Variants in ZC3H12B observed in about 807,000 individuals in gnomAD.
ZC3H12B encodes the protein probable ribonuclease ZC3H12B.
In ZC3H12B, 7 loss-of-function variants were observed where a neutral mutation model predicts 43.9. That is an observed-to-expected ratio of 0.16 (90% CI 0.09 to 0.30). ZC3H12B has a LOEUF of 0.30. ZC3H12B is among the 10% of genes least tolerant of loss of function. The probability of loss-of-function intolerance (pLI) is 1.00; values close to 1 mark genes in which losing one functional copy is unlikely to be tolerated. For synonymous variants in ZC3H12B, 222 were observed against 241.7 expected (o/e 0.92, Z 0.76); for missense variants, 475 against 670.2 (o/e 0.71, Z 3.22).
the ZC3H12B span, among the ~76,000 whole-genome samples, chrX:65,360,653 A>G: frequency 8.9e-6 from 1 of 112,657 alleles, no homozygotes; most frequent in Non-Finnish European, 1.9e-5. Flanking sequence ...TCTTAAGTTA[A>G]TCATACAACT....
the ZC3H12B span, among the ~76,000 whole-genome samples, chrX:65,360,844 G>A: frequency 4.5e-3 from 509 of 112,300 alleles, 2 homozygotes; most frequent in Middle Eastern, 9.2e-3. Flanking sequence ...CTATCAGGCA[G>A]AAGAAAAATT....
chrX:65,173,993 G>A, the ZC3H12B span, among the ~76,000 whole-genome samples: 1 of 111,513 alleles, frequency 9.0e-6, no homozygotes, highest in Non-Finnish European at 1.9e-5. Context: ...CTAGCTGTCA[G>A]GCCTCTCTTC....
chrX:65,375,187 G>T (rs1326844363), intron 2 of ZC3H12B, among the ~76,000 whole-genome samples: 1 of 111,762 alleles, frequency 8.9e-6, no homozygotes, highest in African/African-American at 3.3e-5. Context: ...TTTGAGTTTT[G>T]CTGCCCTGTC....
the ZC3H12B span, among the ~76,000 whole-genome samples, chrX:65,309,892 C>A: frequency 8.9e-6 from 1 of 112,019 alleles, no homozygotes; most frequent in Non-Finnish European, 1.9e-5. Flanking sequence ...GAACCAAAGA[C>A]AAAAACCACA....
chrX:65,171,378 G>A, the ZC3H12B span, among the ~76,000 whole-genome samples: 2 of 110,844 alleles, frequency 1.8e-5, no homozygotes, highest in Admixed American at 1.9e-4. Flanking sequence ...ACGGCAAATA[G>A]TGCTGCCTGA....
the ZC3H12B span, among the ~76,000 whole-genome samples, chrX:65,211,254 G>T: frequency 1.5e-4 from 16 of 108,967 alleles, no homozygotes; most frequent in Admixed American, 7.1e-4. Flanking sequence ...CATTCTGTAG[G>T]TTGCCTGTTC....
At chrX:65,329,762 A>G in the ZC3H12B span, among the ~76,000 whole-genome samples, 1 of 111,543 alleles carries the variant, frequency 9.0e-6, no homozygotes, top group Non-Finnish European at 1.9e-5. Context: ...TCAGCTTTCT[A>G]CATATGGCTA....
At chrX:65,298,473 T>C in the ZC3H12B span, among the ~76,000 whole-genome samples, 2 of 111,937 alleles carry the variant, frequency 1.8e-5, no homozygotes, top group African/African-American at 6.5e-5. Context: ...GATCTGAGCT[T>C]CTTCTACCAG....
At chrX:65,167,752 C>A in the ZC3H12B span, among the ~76,000 whole-genome samples, 1 of 111,793 alleles carries the variant, frequency 8.9e-6, no homozygotes, top group East Asian at 2.8e-4. Context: ...AGAGGTCCTT[C>A]ACATCCCTTG....
At chrX:65,106,953 C>T in the ZC3H12B span, among the ~76,000 whole-genome samples, 1 of 111,258 alleles carries the variant, frequency 9.0e-6, no homozygotes, top group Non-Finnish European at 1.9e-5. Context: ...GAGATTCAAA[C>T]TCAATCTGGT....
chrX:65,386,854 C>A (rs2066534465), intron 2 of ZC3H12B, among the ~76,000 whole-genome samples: 1 of 111,357 alleles, frequency 9.0e-6, no homozygotes, highest in African/African-American at 3.3e-5. Context: ...TGTCTTTGTT[C>A]TCGTTGGTTT....
chrX:65,115,521 T>G, the ZC3H12B span, among the ~76,000 whole-genome samples: 1 of 111,641 alleles, frequency 9.0e-6, no homozygotes, highest in Non-Finnish European at 1.9e-5. Context: ...AACATGCATG[T>G]GCAAGTATCT....
chrX:65,481,037 G>C (rs768315992), intron 3 of ZC3H12B, among the ~76,000 whole-genome samples: 1 of 111,174 alleles, frequency 9.0e-6, no homozygotes, highest in East Asian at 2.8e-4. Context: ...GTTACAACTA[G>C]CAGGAGTTAA....
At chrX:65,089,158 T>C in the ZC3H12B span, among the ~76,000 whole-genome samples, 245 of 111,602 alleles carry the variant, frequency 2.2e-3, 1 homozygote, top group African/African-American at 7.7e-3. Flanking sequence ...TGTTACTTAA[T>C]GTTGGGAATA....
At chrX:65,373,200 C>G (rs1218506510) in intron 2 of ZC3H12B, among the ~76,000 whole-genome samples, 5 of 112,149 alleles carry the variant, frequency 4.5e-5, no homozygotes, top group Non-Finnish European at 9.4e-5. Flanking sequence ...GATACCATCT[C>G]AAACCATTTA....
At chrX:65,283,279 C>A in the ZC3H12B span, among the ~76,000 whole-genome samples, 1 of 111,960 alleles carries the variant, frequency 8.9e-6, no homozygotes, top group Non-Finnish European at 1.9e-5. Context: ...AACAGCCCTT[C>A]ATGCTGAAAA....
intron 2 of ZC3H12B, among the ~76,000 whole-genome samples, chrX:65,381,027 C>A (rs1569384335): frequency 9.0e-6 from 1 of 111,271 alleles, no homozygotes; most frequent in Admixed American, 9.6e-5. Flanking sequence ...ACCCCACTGT[C>A]AACATTGACA....
At chrX:65,206,591 C>T in the ZC3H12B span, among the ~76,000 whole-genome samples, 1 of 111,425 alleles carries the variant, frequency 9.0e-6, no homozygotes, top group Non-Finnish European at 1.9e-5. Flanking sequence ...TCCTTCTGGA[C>T]ATTGGCTTAG....
chrX:65,463,229 C>T (rs1569417996), intron 3 of ZC3H12B, among the ~76,000 whole-genome samples: 1 of 111,851 alleles, frequency 8.9e-6, no homozygotes, highest in Non-Finnish European at 1.9e-5. Flanking sequence ...ATGTAATATA[C>T]TCATGTAACA....
Sources: allele counts gnomAD v4.1 joint callset (sites outside exome capture counted in the v4.1 genomes callset), GRCh38; gene constraint gnomAD v4.1.1; transcripts MANE v1.5; gene names NCBI Gene and HGNC (gene_info 2026-07-23, HGNC 2026-07-21).